The following SETD5 variants were observed in gnomAD, a reference collection of about 807,000 sequenced individuals.
The protein encoded by SETD5 is SET domain containing 5.
SETD5 carries 44 observed loss-of-function variants against 153.3 expected under a neutral mutation model. The observed-to-expected ratio is 0.29, with a 90% CI of 0.23 to 0.37. SETD5 has a LOEUF of 0.37. Ranked by LOEUF, SETD5 falls within the 10% of genes least tolerant of loss-of-function variation. The pLI is 1.00. For missense variants in SETD5, 1,544 were observed against 1,768.0 expected (o/e 0.87, Z 2.27); for synonymous variants, 716 against 645.2 (o/e 1.11, Z -1.66).
chr3:9,410,613 C>G (rs1012350669), intron 1 of SETD5, among the ~76,000 whole-genome samples: 2 of 152,172 alleles, frequency 1.3e-5, no homozygotes, highest in Admixed American at 1.3e-4. Flanking sequence ...CCAGCTGGTT[C>G]TCTCCCTGTC....
At chr3:9,467,685 A>G (rs1575589253) in intron 18 of SETD5, among the ~76,000 whole-genome samples, 4 of 152,062 alleles carry the variant, frequency 2.6e-5, no homozygotes, top group South Asian at 4.2e-4. Context: ...TTGTCACACT[A>G]CCACCTTCAC....
At chr3:9,436,931 G>A in intron 7 of SETD5, 5 of 1,531,016 alleles carry the variant, frequency 3.3e-6, no homozygotes, top group Non-Finnish European at 4.4e-6. Context: ...ACTTCACTGT[G>A]ATCTTGCATT....
intron 1 of SETD5, among the ~76,000 whole-genome samples, chr3:9,412,223 CTG>C (rs2036669127): frequency 1.3e-5 from 2 of 151,558 alleles, no homozygotes; most frequent in African/African-American, 4.9e-5. Flanking sequence ...TTTTAATACT[CTG>C]GGGTTGGAGT....
intron 17 of SETD5, among the ~76,000 whole-genome samples, chr3:9,462,618 A>C (rs1029178329): frequency 6.6e-6 from 1 of 150,858 alleles, no homozygotes; most frequent in African/African-American, 2.4e-5. Flanking sequence ...AAGAATATAG[A>C]TAGATGGGGC....
At chr3:9,431,768 A>G in intron 3 of SETD5, 2 of 966,528 alleles carry the variant, frequency 2.1e-6, no homozygotes, top group South Asian at 4.8e-5. Context: ...AGATACAACC[A>G]GCATAGCTCC....
Position 9,447,796 on chromosome 3 carries a change from G to A in SETD5, c.1893G>A (p.Lys631=). The A allele has an allele frequency of 1.2e-6, 2 of 1,614,008 alleles. No individual in the cohort carries two copies. The highest frequency in any genetic ancestry group is 1.7e-6 in the Non-Finnish European group (2 of 1,179,900). ...RYRTSSAQRL[K]RQKQANAQQA... ...GGACCAGTTCAGCCCAAAGACTAAA[G>A]CGTCAGAAGCAGGCCAATGCACAGC... is the stretch of plus-strand genomic sequence containing the variant. Residue 631 remains lysine (K), a synonymous_variant, in exon 15 of 23, where the codon AAG becomes AAA. Transcript: ENST00000402198.
At position 9,478,012 on chromosome 3, in the gene SETD5, T is replaced by TGGGGGGGGGGGGGGGGGGGGGGGGGGGGG. The variant is rs1171415216; in HGVS notation, c.*1927_*1928insGGGGGGGGGGGGGGGGGGGGGGGGGGGGG. The TGGGGGGGGGGGGGGGGGGGGGGGGGGGGG allele has an allele frequency of 2.3e-5, 1 of 44,264 alleles. No homozygotes were observed. Among genetic ancestry groups the TGGGGGGGGGGGGGGGGGGGGGGGGGGGGG allele is most frequent in the African/African-American group, 8.4e-5 (1 of 11,836 alleles). The allele number at this position is 44,264 out of a possible 1,614,324, so 2.7% of individuals were successfully genotyped here. On this transcript the variant is annotated 3_prime_UTR_variant, in exon 23 of 23. Transcript: ENST00000402198. The stretch of plus-strand genomic sequence containing the variant: ...TCTTGGGGGGGTAGGGGCGGGGGGG[T>TGGGGGGGGGGGGGGGGGGGGGGGGGGGGG]GGGGGGAACTCTTGGAAGGGAAGAA...
At chr3:9,431,228 A>C in intron 3 of SETD5, 1 of 985,436 alleles carries the variant, frequency 1.0e-6, no homozygotes, top group Non-Finnish European at 1.2e-6. Context: ...CTGAATTTCC[A>C]ACTCTACCAT....
In SETD5 at chr3:9,397,651, TGCC is replaced by T. The variant is rs368632604; in HGVS notation, c.-470_-468del. 123,420 of 172,020 alleles carry T rather than the reference TGCC, an allele frequency of 0.72. 45,594 individuals are homozygous for T. Among genetic ancestry groups the T allele is most frequent in the South Asian group, 0.8 (4,738 of 5,926 alleles). 10.7% of individuals were successfully genotyped at this position (172,020 alleles called of 1,614,324 possible). Reference sequence around the variant, plus strand: ...CGCTCGGGCAGCGGGCTGAGTGAGCTGCCGCCGCCGCCGCCGCCGCCGCCGCCG... The same window carrying T: ...CGCTCGGGCAGCGGGCTGAGTGAGCTGCCGCCGCCGCCGCCGCCGCCGCCG... On this transcript the variant is annotated 5_prime_UTR_variant, in exon 1 of 23. Transcript: ENST00000402198.
At chr3:9,425,621 G>A (rs1197761344) in intron 2 of SETD5, among the ~76,000 whole-genome samples, 3 of 147,920 alleles carry the variant, frequency 2.0e-5, no homozygotes, top group Admixed American at 6.7e-5. Context: ...TTTTGCTCAG[G>A]CTGGAGTGCA....
chr3:9,423,256 G>A (rs1432238149), intron 1 of SETD5: 1 of 152,128 alleles, frequency 6.6e-6, no homozygotes, highest in Non-Finnish European at 1.5e-5. Context: ...TAAAAAGATG[G>A]GGTAATTAAG....
At chr3:9,445,837 T>G in intron 13 of SETD5, 97 bp downstream of exon 13, 1 of 766,732 alleles carries the variant, frequency 1.3e-6, no homozygotes, top group Non-Finnish European at 2.0e-6. Context: ...ATCTCATTGA[T>G]TTGACCTGAA....
chr3:9,430,602 C>T (rs2125060250), intron 3 of SETD5: 1 of 191,676 alleles, frequency 5.2e-6, no homozygotes, highest in East Asian at 1.9e-4. Flanking sequence ...ATAAAGTCAG[C>T]TACTAACCTG....
intron 17 of SETD5, among the ~76,000 whole-genome samples, chr3:9,456,612 AATT>A (rs1428800757): frequency 1.3e-5 from 2 of 152,314 alleles, no homozygotes; most frequent in African/African-American, 4.8e-5. Context: ...CCATAAGAGT[AATT>A]ATTATACGGT....
chr3:9,445,965 GTTTT>G (rs376821559), intron 13 of SETD5, among the ~76,000 whole-genome samples: 1 of 86,476 alleles, frequency 1.2e-5, no homozygotes, highest in Non-Finnish European at 2.3e-5. Context: ...TGAAGAGGTT[GTTTT>G]TTTTTTTTTT....
At chr3:9,439,373 A>G (rs60193959) in intron 7 of SETD5, among the ~76,000 whole-genome samples, 5,837 of 152,300 alleles carry the variant, frequency 0.038, 226 homozygotes, top group Admixed American at 0.097. Flanking sequence ...ACAGTGATGC[A>G]AAAGTGGTAA....
chr3:9,411,333 C>A, intron 1 of SETD5, among the ~76,000 whole-genome samples: 1 of 152,088 alleles, frequency 6.6e-6, no homozygotes, highest in East Asian at 1.9e-4. Flanking sequence ...CATTTAAAAT[C>A]CAAGTTATTT....
At position 9,447,724 on chromosome 3, in the gene SETD5, A is replaced by T; in HGVS notation, c.1821A>T (p.Pro607=). 2.5e-6 allele frequency: 4 copies of T among 1,614,008 alleles called. No homozygotes were observed. The highest frequency in any genetic ancestry group is 3.4e-6 in the Non-Finnish European group (4 of 1,179,878). ...AAEKLVPKPP[P]AKPSRPRPKS... ...AAAAACTAGTCCCCAAGCCACCTCC[A>T]GCAAAGCCTTCTAGGCCCCGGCCGA... Residue 607 remains proline (P), a synonymous_variant, in exon 15 of 23, where the codon CCA becomes CCT. Transcript: ENST00000402198.
intron 16 of SETD5, among the ~76,000 whole-genome samples, chr3:9,452,929 A>G (rs1229615934): frequency 6.6e-6 from 1 of 152,096 alleles, no homozygotes. Context: ...ACAACTGTAT[A>G]TCTTAAGAGA....
Sources: gnomAD v4.1 joint callset for allele counts (sites outside exome capture counted in the v4.1 genomes callset) on GRCh38, gnomAD v4.1.1 for gene constraint, MANE v1.5 for transcripts, NCBI Gene and HGNC (gene_info 2026-07-23, HGNC 2026-07-21) for gene names.